PTTG1IP: variants seen among roughly 807,000 people sequenced by gnomAD.
PTTG1IP encodes the protein PTTG1 interacting protein, also known as pituitary tumor-transforming gene 1 protein-interacting protein.
A neutral mutation model predicts 24.4 loss-of-function variants in PTTG1IP; 16 were observed. The observed-to-expected ratio is 0.66, with a 90% CI of 0.44 to 1.00. PTTG1IP has a LOEUF of 1.00. PTTG1IP is among the 50% of genes least tolerant of loss of function. The pLI, the probability that PTTG1IP is intolerant of heterozygous loss-of-function variation, is 0.00. For missense variants in PTTG1IP, 241 were observed against 245.8 expected (o/e 0.98, Z 0.13); for synonymous variants, 89 against 96.8 (o/e 0.92, Z 0.47).
rs1045093777 is a variant in PTTG1IP, at chr21:44,849,599, A to C, written c.*1982T>G. 6.6e-6 allele frequency: 1 copy of C among 152,642 alleles called. No homozygotes were observed. Among genetic ancestry groups the C allele is most frequent in the Non-Finnish European group, 1.5e-5 (1 of 68,044 alleles). The allele number at this position is 152,642 out of a possible 1,614,324, so 9.5% of individuals were successfully genotyped here. A position where few individuals can be genotyped will look rare whatever the true frequency, so the allele number is the denominator to read the frequency against. On this transcript the variant is annotated 3_prime_UTR_variant, in exon 6 of 6. Coordinates refer to ENST00000330938, the MANE Select transcript of PTTG1IP (RefSeq NM_004339.4). ...AACACGCAGCATACTAAACACACGC[A>C]GGTAGTAAACCGTTTTATTGGAAAC... is the stretch of plus-strand genomic sequence containing the variant.
In PTTG1IP at chr21:44,873,597, C is replaced by G. The variant is rs1369716074; in HGVS notation, c.20G>C (p.Arg7Pro). 2 of 1,444,258 alleles carry G rather than the reference C, an allele frequency of 1.4e-6. No individual in the cohort carries two copies. The highest frequency in any genetic ancestry group is 5.3e-5 in the Admixed American group (2 of 37,692). 89.5% of individuals were successfully genotyped at this position (1,444,258 alleles called of 1,614,324 possible). A position where few individuals can be genotyped will look rare whatever the true frequency, so the allele number is the denominator to read the frequency against. The change falls in exon 1 of 6, where the codon CGC becomes CCC. Residue 7 changes from arginine (R) to proline (P), a missense_variant. Transcript: ENST00000330938. ...CAACCTCCAGTACGGCGTCGGCCCG[C>G]GGGCCACTCCGGGCGCCATGGTCGG... MAPGVARGPTPYWRLRL... is the reference protein window; with the variant it reads MAPGVAPGPTPYWRLRL...
intron 3 of PTTG1IP, among the ~76,000 whole-genome samples, chr21:44,858,989 C>T (rs538331254): frequency 1.3e-4 from 20 of 152,280 alleles, no homozygotes; most frequent in South Asian, 8.3e-4. Context: ...AAATATGCTC[C>T]GTGACACAGC....
In PTTG1IP at chr21:44,854,164, G is replaced by A. The variant is rs368966191; in HGVS notation, c.496+1046C>T. Among the ~76,000 whole-genome samples, 25 of 152,276 alleles carry A rather than the reference G, an allele frequency of 1.6e-4. No individual in the cohort carries two copies. The East Asian group carries it at 4.6e-3, about 28-fold the overall frequency. On this transcript the variant is annotated intron_variant, in intron 5 of 5. Coordinates refer to ENST00000330938, the MANE Select transcript of PTTG1IP (RefSeq NM_004339.4). Reference sequence around the variant, plus strand: ...GGGCTTTGCCGTCCACCCCCCACCCGATGACCGAGAACCGCAGCGACGTCC... The same window carrying A: ...GGGCTTTGCCGTCCACCCCCCACCCAATGACCGAGAACCGCAGCGACGTCC...
intron 3 of PTTG1IP, among the ~76,000 whole-genome samples, chr21:44,859,072 CAGA>C (rs898499645): frequency 1.8e-4 from 27 of 152,376 alleles, no homozygotes; most frequent in African/African-American, 6.0e-4. Flanking sequence ...ACAGCAGCAC[CAGA>C]AGGACCCAGG....
chr21:44,858,823 A>T (rs2083468529), intron 3 of PTTG1IP, among the ~76,000 whole-genome samples: 2 of 152,242 alleles, frequency 1.3e-5, no homozygotes. Flanking sequence ...AGCACAAGAC[A>T]CCACTACACA....
In PTTG1IP at chr21:44,851,529, C is replaced by T. The variant is rs775948511; in HGVS notation, c.*52G>A. The T allele has an allele frequency of 1.2e-5, 19 of 1,613,856 alleles. No individual in the cohort carries two copies. The East Asian group carries it at 1.3e-4, about 11-fold the overall frequency. On this transcript the variant is annotated 3_prime_UTR_variant, in exon 6 of 6. Transcript: ENST00000330938. Reference sequence around the variant, plus strand: ...CACGTGGTCTCCCGGCTGGGCTGGGCTGCGGAGCGTGCACCTCACAGGAAG... The same window carrying T: ...CACGTGGTCTCCCGGCTGGGCTGGGTTGCGGAGCGTGCACCTCACAGGAAG...
chr21:44,856,357 A>G lies in PTTG1IP; in HGVS notation c.285T>C (p.Phe95=), dbSNP rs199732063. The G allele has an allele frequency of 3.1e-6, 5 of 1,611,306 alleles. No individual in the cohort carries two copies. Among genetic ancestry groups the G allele is most frequent in the East Asian group, 2.2e-5 (1 of 44,844 alleles). ...SARWGVCWVN[F]EALIITMSVV... is the part of the protein sequence containing the mutation. ...CCGACATGGTGATGATCAGCGCCTC[A>G]AAGTTCACTGGAGATTCAAGCACCT... Residue 95 remains phenylalanine (F), a synonymous_variant, in exon 4 of 6, where the codon TTT becomes TTC. Coordinates refer to ENST00000330938, the MANE Select transcript of PTTG1IP (RefSeq NM_004339.4).
intron 1 of PTTG1IP, among the ~76,000 whole-genome samples, chr21:44,867,254 T>G (rs1343819225): frequency 2.0e-5 from 3 of 152,242 alleles, no homozygotes; most frequent in Admixed American, 6.5e-5. Flanking sequence ...ACTAACACTG[T>G]TCAGCGATAA....
intron 3 of PTTG1IP, among the ~76,000 whole-genome samples, chr21:44,857,497 A>G (rs938930932): frequency 2.6e-5 from 4 of 152,228 alleles, no homozygotes; most frequent in Non-Finnish European, 4.4e-5. Flanking sequence ...GAAACAAACA[A>G]AAAACACCCA....
intron 5 of PTTG1IP, among the ~76,000 whole-genome samples, chr21:44,854,607 T>C (rs2083435084): frequency 6.6e-6 from 1 of 152,216 alleles, no homozygotes; most frequent in African/African-American, 2.4e-5. Flanking sequence ...TCACGTGGTT[T>C]GGGGGAGTAT....
intron 5 of PTTG1IP, among the ~76,000 whole-genome samples, chr21:44,852,181 T>G (rs2083415850): frequency 6.6e-6 from 1 of 151,978 alleles, no homozygotes; most frequent in African/African-American, 2.4e-5. Context: ...CTCTCTCCCT[T>G]TATTTTTTAT....
intron 1 of PTTG1IP, among the ~76,000 whole-genome samples, chr21:44,867,754 G>GC (rs1350437640): frequency 6.6e-6 from 1 of 152,180 alleles, no homozygotes; most frequent in African/African-American, 2.4e-5. Context: ...ATACAAGCGC[G>GC]CACCACAAAA....
Position 44,851,559 on chromosome 21 carries a change from G to A in PTTG1IP, c.*22C>T, listed in dbSNP as rs758544383. 1.1e-5 allele frequency: 18 copies of A among 1,611,922 alleles called. No homozygotes were observed. The highest frequency in any genetic ancestry group is 1.4e-5 in the Non-Finnish European group (17 of 1,178,044). On this transcript the variant is annotated 3_prime_UTR_variant, in exon 6 of 6. Transcript: ENST00000330938. ...GAGCGTGCACCTCACAGGAAGCGTC[G>A]GGACTGATGTGCTGGAGCGCTTTAG...
Position 44,862,563 on chromosome 21 carries a change from G to A in PTTG1IP, c.169-1292C>T, listed in dbSNP as rs59993715. ...ACTGCCGTTCGGCAGCACCTCATGCGCCAGCCCAAGTCCAGACCCAAGTCC... is the reference window on the plus strand; with the variant it reads ...ACTGCCGTTCGGCAGCACCTCATGCACCAGCCCAAGTCCAGACCCAAGTCC... On this transcript the variant is annotated intron_variant, in intron 2 of 5. Transcript: ENST00000330938. Among the ~76,000 whole-genome samples, 656 of 152,198 alleles carry A rather than the reference G, an allele frequency of 4.3e-3. 6 individuals are homozygous for A. Among genetic ancestry groups the A allele is most frequent in the African/African-American group, 0.011 (441 of 41,514 alleles).
intron 2 of PTTG1IP, chr21:44,861,948 G>C (rs376229543): frequency 8.8e-6 from 6 of 679,222 alleles, no homozygotes; most frequent in East Asian, 5.4e-5. Context: ...CGCACAGCTT[G>C]AAAGATGATG....
chr21:44,851,893 A>C (rs2083413927), intron 5 of PTTG1IP, among the ~76,000 whole-genome samples: 1 of 152,250 alleles, frequency 6.6e-6, no homozygotes, highest in African/African-American at 2.4e-5. Flanking sequence ...CGAAGAAAAG[A>C]AATTTAAGGC....
intron 3 of PTTG1IP, among the ~76,000 whole-genome samples, chr21:44,858,601 G>A (rs894903226): frequency 1.1e-4 from 16 of 152,154 alleles, no homozygotes; most frequent in Non-Finnish European, 2.2e-4. Context: ...GTTCCCCTGC[G>A]GGACCCTGCG....
intron 3 of PTTG1IP, among the ~76,000 whole-genome samples, chr21:44,859,961 C>T (rs1312317786): frequency 2.6e-5 from 4 of 152,174 alleles, no homozygotes; most frequent in African/African-American, 9.7e-5. Flanking sequence ...TGCTTCTTTA[C>T]AAAGTTTAGG....
intron 5 of PTTG1IP, among the ~76,000 whole-genome samples, chr21:44,852,204 CAG>C (rs2083416493): frequency 6.7e-6 from 1 of 150,354 alleles, no homozygotes; most frequent in African/African-American, 2.5e-5. Flanking sequence ...TTTTTTGAGA[CAG>C]AGTTTTGCTC....
Sources: gnomAD v4.1 joint callset for allele counts (sites outside exome capture counted in the v4.1 genomes callset) on GRCh38, gnomAD v4.1.1 for gene constraint, MANE v1.5 for transcripts, NCBI Gene and HGNC (gene_info 2026-07-23, HGNC 2026-07-21) for gene names.